The following FAM222B variants were observed in gnomAD, a reference collection of about 807,000 sequenced individuals.
The protein encoded by FAM222B is family with sequence similarity 222 member B, also known as protein FAM222B.
FAM222B carries 12 observed loss-of-function variants against 38.0 expected under a neutral mutation model. That is an observed-to-expected ratio of 0.32 (90% CI 0.20 to 0.51). FAM222B has a LOEUF of 0.51. Ranked by LOEUF, FAM222B falls within the 20% of genes least tolerant of loss-of-function variation. FAM222B has a pLI of 0.97. For missense variants in FAM222B, 716 were observed against 754.2 expected (o/e 0.95, Z 0.59); for synonymous variants, 329 against 317.2 (o/e 1.04, Z -0.40).
At position 28,776,285 on chromosome 17, in the gene FAM222B, G is replaced by A. The variant is rs2035891956; in HGVS notation, c.-40-9578C>T. 2.0e-5 allele frequency among the ~76,000 whole-genome samples: 3 copies of A among 146,562 alleles called. No individual in the cohort carries two copies. In the South Asian group the frequency reaches 6.6e-4, roughly 32 times the overall value. On this transcript the variant is annotated intron_variant, in intron 1 of 2. Transcript: ENST00000581407. Reference sequence around the variant, plus strand: ...CCAGCTACTCGGGAGGCTGAGGCAGGAGAATGGTGTGAACCCAGGAAGCAG... The same window carrying A: ...CCAGCTACTCGGGAGGCTGAGGCAGAAGAATGGTGTGAACCCAGGAAGCAG...
At chr17:28,773,590 GGAGTTT>G (rs1197054838) in intron 1 of FAM222B, among the ~76,000 whole-genome samples, 1 of 151,218 alleles carries the variant, frequency 6.6e-6, no homozygotes, top group African/African-American at 2.4e-5. Flanking sequence ...CATTAGGTCA[GGAGTTT>G]GAGACCAGCC....
At chr17:28,789,349 C>G (rs1321636670) in intron 1 of FAM222B, among the ~76,000 whole-genome samples, 1 of 151,690 alleles carries the variant, frequency 6.6e-6, no homozygotes, top group African/African-American at 2.4e-5. Context: ...AGGCACCCAC[C>G]ACCATGCACA....
intron 1 of FAM222B, among the ~76,000 whole-genome samples, chr17:28,791,760 A>C (rs2036700193): frequency 1.3e-5 from 2 of 148,848 alleles, no homozygotes; most frequent in Admixed American, 1.4e-4. Flanking sequence ...TCTGGGTTCA[A>C]GTGATTGTCC....
intron 1 of FAM222B, among the ~76,000 whole-genome samples, chr17:28,824,123 C>T (rs1449411981): frequency 6.6e-6 from 1 of 151,946 alleles, no homozygotes; most frequent in Non-Finnish European, 1.5e-5. Flanking sequence ...ATGATCCACC[C>T]GCCTCGGCCT....
chr17:28,852,007 A>G (rs1251098922), intron 1 of FAM222B, among the ~76,000 whole-genome samples: 9 of 151,900 alleles, frequency 5.9e-5, no homozygotes, highest in Admixed American at 5.9e-4. Context: ...CGCCAAAATT[A>G]AACCACTACA....
chr17:28,795,555 G>C (rs2036901304), intron 1 of FAM222B, among the ~76,000 whole-genome samples: 1 of 152,148 alleles, frequency 6.6e-6, no homozygotes, highest in Admixed American at 6.6e-5. Context: ...AGCCTCCTGG[G>C]CATCTGGGAC....
chr17:28,762,334 A>G (rs2035114674), intron 2 of FAM222B, among the ~76,000 whole-genome samples: 1 of 152,156 alleles, frequency 6.6e-6, no homozygotes, highest in South Asian at 2.1e-4. Flanking sequence ...CTAACTCTTA[A>G]AAAAAGTTTT....
chr17:28,790,884 CTTTTTTTTTTTTTTTTTTTT>C (rs60664262), intron 1 of FAM222B, among the ~76,000 whole-genome samples: 2 of 86,062 alleles, frequency 2.3e-5, no homozygotes, highest in East Asian at 7.0e-4. Context: ...AATTGTTTCA[CTTTTTTTTTTTTTTTTTTTT>C]TTTTTTTTTT....
At chr17:28,852,163 C>T (rs777774311) in intron 1 of FAM222B, among the ~76,000 whole-genome samples, 1 of 151,628 alleles carries the variant, frequency 6.6e-6, no homozygotes, top group South Asian at 2.1e-4. Flanking sequence ...GTCAGGAGAT[C>T]GAGACCATCC....
rs114846117 is a variant in FAM222B at position 28,810,984 on chromosome 17, A to T, written c.-41+31698T>A. 1.9e-3 allele frequency among the ~76,000 whole-genome samples: 290 copies of T among 152,316 alleles called. 4 individuals carry two copies. The highest frequency in any genetic ancestry group is 6.3e-3 in the African/African-American group (261 of 41,564). ...CTGTCTTCAAAAGTGGACCCCAGTT[A>T]CAACAATCGTGGGAAACTGAACCTG... On this transcript the variant is annotated intron_variant, in intron 1 of 2. Coordinates refer to ENST00000581407, the MANE Select transcript of FAM222B (RefSeq NM_001077498.3).
At chr17:28,790,883 A>AAATTTTTTTTTTTTTTTTTT (rs1567838640) in intron 1 of FAM222B, among the ~76,000 whole-genome samples, 8 of 8,910 alleles carry the variant, frequency 9.0e-4, no homozygotes, top group African/African-American at 4.3e-3. Context: ...AAATTGTTTC[A>AAATTTTTTTTTTTTTTTTTT]CTTTTTTTTT....
intron 1 of FAM222B, among the ~76,000 whole-genome samples, chr17:28,773,797 C>CA (rs879413377): frequency 0.011 from 1,465 of 128,676 alleles, 16 homozygotes; most frequent in African/African-American, 0.032. Context: ...GCCTCTGTCT[C>CA]AAAAAAAAAA....
At chr17:28,816,751 G>C (rs2151938347) in intron 1 of FAM222B, among the ~76,000 whole-genome samples, 1 of 152,194 alleles carries the variant, frequency 6.6e-6, no homozygotes, top group East Asian at 1.9e-4. Flanking sequence ...CCATGACACA[G>C]AGCATAGAAA....
intron 1 of FAM222B, among the ~76,000 whole-genome samples, chr17:28,833,033 A>T (rs2038719897): frequency 7.0e-6 from 1 of 142,294 alleles, no homozygotes; most frequent in South Asian, 2.4e-4. Context: ...AAAAAAAAAA[A>T]GGAAAGGGGC....
chr17:28,812,270 C>G (rs1304774985), intron 1 of FAM222B: 2 of 152,422 alleles, frequency 1.3e-5, no homozygotes, highest in Non-Finnish European at 2.9e-5. Context: ...GGCTCCGCCC[C>G]GCCCGCCTTG....
At chr17:28,798,341 C>T (rs372780493) in intron 1 of FAM222B, among the ~76,000 whole-genome samples, 1 of 152,094 alleles carries the variant, frequency 6.6e-6, no homozygotes, top group Non-Finnish European at 1.5e-5. Context: ...AAGATCATGC[C>T]ACTGCACTCC....
intron 1 of FAM222B, among the ~76,000 whole-genome samples, chr17:28,841,243 C>A (rs1277171068): frequency 6.6e-6 from 1 of 152,046 alleles, no homozygotes; most frequent in Non-Finnish European, 1.5e-5. Flanking sequence ...TGCTGTGAGC[C>A]GAGATGATGC....
At chr17:28,828,310 C>T (rs1165407023) in intron 1 of FAM222B, among the ~76,000 whole-genome samples, 2 of 151,128 alleles carry the variant, frequency 1.3e-5, no homozygotes, top group Non-Finnish European at 2.9e-5. Context: ...CACCTGCAAC[C>T]CCAGCAGTTT....
chr17:28,844,784 G>A (rs2039133785), upstream of FAM222B, among the ~76,000 whole-genome samples: 1 of 151,810 alleles, frequency 6.6e-6, no homozygotes. Context: ...GGCAACATAG[G>A]GAGACTCATC....
Sources: gnomAD v4.1 joint callset for allele counts (sites outside exome capture counted in the v4.1 genomes callset) on GRCh38, gnomAD v4.1.1 for gene constraint, MANE v1.5 for transcripts, NCBI Gene and HGNC (gene_info 2026-07-23, HGNC 2026-07-21) for gene names.